XPA: variants seen among roughly 807,000 people sequenced by gnomAD.
XPA encodes XPA, DNA damage recognition and repair factor.
In XPA, 27 loss-of-function variants were observed where a neutral mutation model predicts 35.7. That is an observed-to-expected ratio of 0.76 (90% CI 0.56 to 1.04). The LOEUF (loss-of-function observed/expected upper bound fraction) is 1.04. XPA is among the 50% of genes least tolerant of loss of function. The probability of loss-of-function intolerance (pLI) is 0.00; values close to 1 mark genes in which losing one functional copy is unlikely to be tolerated. For synonymous variants in XPA, 133 were observed against 118.4 expected, an observed-to-expected ratio of 1.12 and a Z score of -0.80; for missense variants, 354 against 342.7, an observed-to-expected ratio of 1.03 and a Z score of -0.26.
At chr9:97,696,985 G>C (rs2131410841) in intron 1 of XPA, 136 bp downstream of exon 1, 1 of 1,202,658 alleles carries the variant, frequency 8.3e-7, no homozygotes, top group Non-Finnish European at 1.1e-6. Flanking sequence ...TTCCCTCTCC[G>C]ACTCGGGGAG....
At chr9:97,685,764 C>T (rs561026866) in intron 4 of XPA, among the ~76,000 whole-genome samples, 43 of 152,198 alleles carry the variant, frequency 2.8e-4, no homozygotes, top group African/African-American at 9.1e-4. Context: ...TCACGTTTTC[C>T]GCAATTTAAC....
At chr9:97,664,207 C>A in the XPA span, 9 of 528,068 alleles carry the variant, frequency 1.7e-5, no homozygotes, top group African/African-American at 1.3e-4. Context: ...TCAGATTGAT[C>A]AATCAATTCC....
chr9:97,674,540 A>G (rs1286188381), downstream of XPA, among the ~76,000 whole-genome samples: 1 of 152,204 alleles, frequency 6.6e-6, no homozygotes, highest in East Asian at 1.9e-4. Context: ...TGTTTTTGTC[A>G]AAAAATAATG....
chr9:97,670,994 C>T (rs10283569), downstream of XPA: 149 of 742,738 alleles, frequency 2.0e-4, no homozygotes, highest in Non-Finnish European at 2.9e-4. Context: ...TTTCATCATT[C>T]TGCAGCATGG....
At chr9:97,688,899 TAAG>T (rs1700967682) in intron 3 of XPA, among the ~76,000 whole-genome samples, 1 of 152,096 alleles carries the variant, frequency 6.6e-6, no homozygotes, top group Admixed American at 6.5e-5. Context: ...GAGGGCCAAC[TAAG>T]ATTCCAAGAT....
rs199731844 is a variant in XPA, at chr9:97,693,072, AAAG to A, written c.283+574_283+576del. 7.7e-3 allele frequency among the ~76,000 whole-genome samples: 1,082 copies of A among 140,524 alleles called. 21 individuals carry two copies. Among genetic ancestry groups the A allele is most frequent in the Admixed American group, 0.052 (739 of 14,170 alleles). The allele number at this position is 140,524 out of a possible 152,430, so 92.2% of individuals were successfully genotyped here. ...GGTCTTTTTTTTTTTTTTTTAATAA[AAAG>A]CTGTTATATTGCACTGTTGGCTGCC... On this transcript the variant is annotated intron_variant, in intron 2 of 5. Transcript: ENST00000375128.
chr9:97,668,404 T>G, the XPA span, among the ~76,000 whole-genome samples: 2 of 152,236 alleles, frequency 1.3e-5, no homozygotes, highest in Admixed American at 6.5e-5. Flanking sequence ...AACAGCCCAC[T>G]TTGAATTATT....
chr9:97,664,768 A>C, the XPA span, among the ~76,000 whole-genome samples: 5 of 152,176 alleles, frequency 3.3e-5, no homozygotes, highest in Non-Finnish European at 5.9e-5. Context: ...GTCCAGATGG[A>C]ACTCGGGAAG....
At chr9:97,665,500 A>C in the XPA span, among the ~76,000 whole-genome samples, 1 of 152,218 alleles carries the variant, frequency 6.6e-6, no homozygotes, top group Non-Finnish European at 1.5e-5. Flanking sequence ...ATAGTGCTCA[A>C]CAGCTCCATC....
the XPA span, chr9:97,669,508 A>T: frequency 5.8e-6 from 5 of 863,506 alleles, no homozygotes; most frequent in Non-Finnish European, 9.5e-6. Context: ...AACAGGCAAT[A>T]CTTTGGGGTT....
At chr9:97,661,739 T>G in the XPA span, among the ~76,000 whole-genome samples, 11 of 151,426 alleles carry the variant, frequency 7.3e-5, no homozygotes, top group Non-Finnish European at 1.2e-4. Context: ...AGTGTTTTTT[T>G]TTTTTTTTTT....
At chr9:97,673,167 G>A (rs922064441), downstream of XPA, 5 of 152,154 alleles carry the variant, frequency 3.3e-5, no homozygotes, top group Admixed American at 1.3e-4. Flanking sequence ...CATACAAAAT[G>A]AGTTTATCAA....
intron 5 of XPA, among the ~76,000 whole-genome samples, chr9:97,681,232 A>G (rs1156608830): frequency 6.6e-6 from 1 of 152,202 alleles, no homozygotes; most frequent in Admixed American, 6.5e-5. Context: ...GCGAGAGACA[A>G]GATACTTCTA....
chr9:97,678,826 G>A (rs1828451469), intron 5 of XPA, among the ~76,000 whole-genome samples: 2 of 152,112 alleles, frequency 1.3e-5, no homozygotes, highest in Admixed American at 1.3e-4. Context: ...ACTGTCCCTA[G>A]CCTGAAATGC....
the XPA span, among the ~76,000 whole-genome samples, chr9:97,667,745 A>T: frequency 6.6e-6 from 1 of 152,224 alleles, no homozygotes; most frequent in Non-Finnish European, 1.5e-5. Flanking sequence ...TGACTATTTT[A>T]GTTAAATACA....
At chr9:97,668,724 A>T in the XPA span, 1 of 1,061,608 alleles carries the variant, frequency 9.4e-7, no homozygotes, top group Non-Finnish European at 1.3e-6. Context: ...GTGGGGGGGT[A>T]CTTTCACTAT....
At chr9:97,670,117 T>C (rs2131372415), downstream of XPA, 1 of 311,294 alleles carries the variant, frequency 3.2e-6, no homozygotes, top group South Asian at 3.0e-5. Flanking sequence ...GGGACAGAGT[T>C]TCACCATGTT....
At chr9:97,664,315 T>C in the XPA span, 1 of 1,431,720 alleles carries the variant, frequency 7.0e-7, no homozygotes, top group Non-Finnish European at 9.8e-7. Context: ...GTGTGTGATT[T>C]ACTTGAATAA....
At chr9:97,654,838 G>A in the XPA span, 1 of 1,542,320 alleles carries the variant, frequency 6.5e-7, no homozygotes, top group Non-Finnish European at 9.0e-7. Flanking sequence ...AACTTATTTG[G>A]GATAAAAGTG....
Sources: allele counts gnomAD v4.1 joint callset (sites outside exome capture counted in the v4.1 genomes callset), GRCh38; gene constraint gnomAD v4.1.1; transcripts MANE v1.5; gene names NCBI Gene and HGNC (gene_info 2026-07-23, HGNC 2026-07-21).